NME7: variants seen among roughly 807,000 people sequenced by gnomAD.
NME7 encodes nucleoside diphosphate kinase 7.
A neutral mutation model predicts 49.1 loss-of-function variants in NME7; 41 were observed. That is an observed-to-expected ratio of 0.83 (90% CI 0.65 to 1.08). NME7 has a LOEUF of 1.08. NME7 is among the 50% of genes least tolerant of loss of function. The pLI is 0.00. For synonymous variants in NME7, 139 were observed against 150.6 expected (o/e 0.92, Z 0.56); for missense variants, 423 against 463.4 (o/e 0.91, Z 0.80).
chr1:169,168,900 A>G (rs1659494919), intron 11 of NME7: 1 of 456,430 alleles, frequency 2.2e-6, no homozygotes, highest in Non-Finnish European at 4.4e-6. Context: ...ACTTTCTAAT[A>G]TATTTATTGA....
intron 1 of NME7, among the ~76,000 whole-genome samples, chr1:169,349,220 C>A (rs1032251317): frequency 1.3e-5 from 2 of 152,000 alleles, no homozygotes; most frequent in African/African-American, 4.8e-5. Context: ...GGAAGAGCAG[C>A]CTCCTTTTGT....
intron 1 of NME7, among the ~76,000 whole-genome samples, chr1:169,335,656 T>A (rs1043096540): frequency 2.0e-5 from 3 of 150,274 alleles, no homozygotes; most frequent in Non-Finnish European, 1.5e-5. Flanking sequence ...GTTCTGCACA[T>A]GTATCCTGAT....
intron 1 of NME7, among the ~76,000 whole-genome samples, chr1:169,326,345 T>G (rs1448256035): frequency 6.6e-6 from 1 of 152,118 alleles, no homozygotes; most frequent in Non-Finnish European, 1.5e-5. Flanking sequence ...TAAGAACAAC[T>G]AGAAAAGTAG....
intron 1 of NME7, among the ~76,000 whole-genome samples, chr1:169,327,955 C>T (rs1354250162): frequency 1.3e-5 from 2 of 152,116 alleles, no homozygotes; most frequent in African/African-American, 4.8e-5. Flanking sequence ...GTACCTTGGC[C>T]TCATTTCAAT....
intron 11 of NME7, among the ~76,000 whole-genome samples, chr1:169,158,850 A>C (rs1659160086): frequency 6.6e-6 from 1 of 152,118 alleles, no homozygotes; most frequent in Admixed American, 6.5e-5. Flanking sequence ...CATAAGAACC[A>C]CTGCACTAGG....
chr1:169,152,154 C>A (rs1658932404), intron 11 of NME7, among the ~76,000 whole-genome samples: 1 of 152,026 alleles, frequency 6.6e-6, no homozygotes, highest in African/African-American at 2.4e-5. Flanking sequence ...TTATATATAG[C>A]CTTTCCTTTG....
At chr1:169,203,496 C>G (rs1374737593) in intron 10 of NME7, among the ~76,000 whole-genome samples, 3 of 152,130 alleles carry the variant, frequency 2.0e-5, no homozygotes, top group African/African-American at 7.2e-5. Flanking sequence ...GGTGAGACTG[C>G]AACACCATGT....
intron 1 of NME7, among the ~76,000 whole-genome samples, chr1:169,359,224 T>C (rs1653569695): frequency 6.6e-6 from 1 of 152,182 alleles, no homozygotes; most frequent in African/African-American, 2.4e-5. Context: ...GCAAATGCTA[T>C]GTAAATACTT....
intron 4 of NME7, among the ~76,000 whole-genome samples, chr1:169,309,231 T>G (rs1651292246): frequency 6.6e-6 from 1 of 152,202 alleles, no homozygotes; most frequent in Non-Finnish European, 1.5e-5. Flanking sequence ...TTCTTTTTGT[T>G]GCCTGGTGTA....
At chr1:169,250,048 G>C (rs927485492) in intron 7 of NME7, among the ~76,000 whole-genome samples, 8 of 151,996 alleles carry the variant, frequency 5.3e-5, no homozygotes, top group African/African-American at 1.2e-4. Flanking sequence ...AGTAGGATTG[G>C]TCCCAGTTCT....
intron 10 of NME7, among the ~76,000 whole-genome samples, chr1:169,179,947 A>G (rs1659876310): frequency 7.0e-6 from 1 of 142,608 alleles, no homozygotes; most frequent in Non-Finnish European, 1.5e-5. Context: ...ATGAACATTT[A>G]CCCCTGAACT....
At chr1:169,289,140 C>A (rs1202481301) in intron 6 of NME7, among the ~76,000 whole-genome samples, 1 of 152,132 alleles carries the variant, frequency 6.6e-6, no homozygotes, top group Non-Finnish European at 1.5e-5. Flanking sequence ...GCTAAGTCCA[C>A]TGGTTAATTA....
intron 1 of NME7, among the ~76,000 whole-genome samples, chr1:169,365,394 A>T (rs1200853388): frequency 6.6e-6 from 1 of 152,188 alleles, no homozygotes; most frequent in Non-Finnish European, 1.5e-5. Flanking sequence ...CAAGAAGAAC[A>T]CGTTGGCCTG....
chr1:169,301,391 C>T (rs1191818493), intron 5 of NME7, among the ~76,000 whole-genome samples: 2 of 151,994 alleles, frequency 1.3e-5, no homozygotes, highest in African/African-American at 2.4e-5. Context: ...TCACACCAGT[C>T]AGAATGGTTA....
chr1:169,324,667 A>C (rs1210875780), intron 1 of NME7, among the ~76,000 whole-genome samples, 167 bp from the exon 2 acceptor site: 1 of 152,260 alleles, frequency 6.6e-6, no homozygotes, highest in Non-Finnish European at 1.5e-5. Flanking sequence ...ACACACCCTC[A>C]GCAATATTTC....
chr1:169,325,256 G>C (rs1054394364), intron 1 of NME7, among the ~76,000 whole-genome samples: 1 of 152,056 alleles, frequency 6.6e-6, no homozygotes, highest in Non-Finnish European at 1.5e-5. Flanking sequence ...AGCCCATCAG[G>C]AAGTGCTAGA....
At chr1:169,154,633 A>G (rs1239412204) in intron 11 of NME7, among the ~76,000 whole-genome samples, 1 of 151,986 alleles carries the variant, frequency 6.6e-6, no homozygotes. Context: ...CACCGTCTCT[A>G]CTAAAAACAT....
intron 7 of NME7, among the ~76,000 whole-genome samples, chr1:169,244,642 A>AC (rs1459446141): frequency 2.6e-5 from 4 of 151,824 alleles, no homozygotes; most frequent in Non-Finnish European, 5.9e-5. Context: ...TCTCAAAAAA[A>AC]AAAAAAAAAA....
chr1:169,252,577 T>C (rs1648680768), intron 7 of NME7, among the ~76,000 whole-genome samples: 2 of 152,208 alleles, frequency 1.3e-5, no homozygotes, highest in Admixed American at 6.5e-5. Flanking sequence ...TAGATCCCAT[T>C]TGTCGATTTT....
Sources: allele counts gnomAD v4.1 joint callset (sites outside exome capture counted in the v4.1 genomes callset), GRCh38; gene constraint gnomAD v4.1.1; transcripts MANE v1.5; gene names NCBI Gene and HGNC (gene_info 2026-07-23, HGNC 2026-07-21).